KIF16B: variants seen among roughly 807,000 people sequenced by gnomAD.
The protein encoded by KIF16B is kinesin family member 16B, also known as kinesin-like protein KIF16B.
In KIF16B, 98 loss-of-function variants were observed where a neutral mutation model predicts 156.3. That is an observed-to-expected ratio of 0.63 (90% CI 0.53 to 0.74). KIF16B has a LOEUF of 0.74. KIF16B is among the 30% of genes least tolerant of loss of function. The pLI is 0.00. For synonymous variants in KIF16B, 564 were observed against 583.7 expected (o/e 0.97, Z 0.49); for missense variants, 1,421 against 1,606.5 (o/e 0.88, Z 1.97).
At chr20:16,504,838 C>T (rs2068727595) in intron 9 of KIF16B, among the ~76,000 whole-genome samples, 1 of 151,818 alleles carries the variant, frequency 6.6e-6, no homozygotes, top group African/African-American at 2.4e-5. Context: ...CTGCTGAAAA[C>T]GTAAGAAGAA....
At chr20:16,421,523 C>A (rs1998085) in intron 15 of KIF16B, among the ~76,000 whole-genome samples, 17,184 of 152,136 alleles carry the variant, frequency 0.11, 1,189 homozygotes, top group Non-Finnish European at 0.17. Context: ...AAAACATGTT[C>A]CATTTCCCAT....
chr20:16,494,204 G>A (rs1354262386), intron 12 of KIF16B, 87 bp downstream of exon 12: 1 of 749,094 alleles, frequency 1.3e-6, no homozygotes, highest in East Asian at 2.7e-5. Flanking sequence ...GTATACAACT[G>A]CCATGTTTGG....
chr20:16,383,107 T>G, intron 17 of KIF16B, among the ~76,000 whole-genome samples: 1 of 152,118 alleles, frequency 6.6e-6, no homozygotes, highest in East Asian at 1.9e-4. Flanking sequence ...AATCCTCCTC[T>G]CTGTTTCCTG....
chr20:16,450,797 C>CA (rs1031279689), intron 12 of KIF16B, among the ~76,000 whole-genome samples: 4 of 152,138 alleles, frequency 2.6e-5, no homozygotes, highest in African/African-American at 9.7e-5. Flanking sequence ...AGGAAACAAA[C>CA]AGAGTCATAT....
intron 1 of KIF16B, among the ~76,000 whole-genome samples, chr20:16,563,161 T>G (rs749453192): frequency 6.6e-6 from 1 of 152,188 alleles, no homozygotes; most frequent in Non-Finnish European, 1.5e-5. Flanking sequence ...CATTTGGAAA[T>G]GGACAGAGCA....
At chr20:16,469,386 CAT>C (rs149144538) in intron 12 of KIF16B, among the ~76,000 whole-genome samples, 3,371 of 149,850 alleles carry the variant, frequency 0.022, 82 homozygotes, top group South Asian at 0.071. Flanking sequence ...TTCTACATAA[CAT>C]GTGGATCAAA....
Position 16,379,580 on chromosome 20 carries a change from G to T in KIF16B, c.2422C>A (p.Arg808Ser), listed in dbSNP as rs148805920. The T allele has an allele frequency of 1.4e-4, 221 of 1,614,044 alleles. No homozygotes were observed. The Middle Eastern group carries it at 7.9e-3, about 58-fold the overall frequency. ...TCGCCATCTTCATCCCCTCCGGCACGAGCCTCCTTCACCCGCAGGAGGGAT... is the reference window on the plus strand; with the variant it reads ...TCGCCATCTTCATCCCCTCCGGCACTAGCCTCCTTCACCCGCAGGAGGGAT... ...RESLLRVKEA[R>S]AGGDEDGEEL... is the part of the protein sequence containing the mutation. Residue 808 changes from arginine (R) to serine (S), a missense_variant, in exon 19 of 26, where the codon CGT (arginine) becomes AGT (serine). Coordinates refer to ENST00000354981, the MANE Select transcript of KIF16B (RefSeq NM_024704.5).
intron 12 of KIF16B, among the ~76,000 whole-genome samples, chr20:16,436,863 C>G (rs2146494839): frequency 6.6e-6 from 1 of 152,228 alleles, no homozygotes; most frequent in South Asian, 2.1e-4. Flanking sequence ...CAGCGGTACT[C>G]CAGGTTTTAG....
At chr20:16,460,214 T>C (rs986900249) in intron 12 of KIF16B, among the ~76,000 whole-genome samples, 5 of 152,138 alleles carry the variant, frequency 3.3e-5, no homozygotes, top group African/African-American at 1.2e-4. Context: ...AAAAATCAGG[T>C]TGGCCTAAAG....
At chr20:16,505,328 GT>G (rs199536112) in intron 9 of KIF16B, among the ~76,000 whole-genome samples, 3 of 151,368 alleles carry the variant, frequency 2.0e-5, no homozygotes, top group South Asian at 2.1e-4. Context: ...TATGCATTGG[GT>G]TTTTTTTTCC....
Position 16,403,386 on chromosome 20 carries a change from G to GT in KIF16B, c.1784+1426dup, listed in dbSNP as rs1244772573. On this transcript the variant is annotated intron_variant, in intron 17 of 25. Transcript: ENST00000354981. ...AGGAATTAAAGACCTACAACAAAAC[G>GT]TGCCTCTGAAGTACTTACCATTTAG... is the stretch of plus-strand genomic sequence containing the variant. Among the ~76,000 whole-genome samples, 3 of 152,278 alleles carry GT rather than the reference G, an allele frequency of 2.0e-5. No individual in the cohort carries two copies. In the East Asian group the frequency reaches 5.8e-4, roughly 29 times the overall value.
chr20:16,538,428 C>A (rs2070061852), intron 1 of KIF16B, among the ~76,000 whole-genome samples: 1 of 152,116 alleles, frequency 6.6e-6, no homozygotes, highest in African/African-American at 2.4e-5. Context: ...GAAAAATGAA[C>A]TATGCCTCTC....
At chr20:16,367,766 G>T in intron 22 of KIF16B, 1 of 1,612,674 alleles carries the variant, frequency 6.2e-7, no homozygotes, top group South Asian at 1.1e-5. Context: ...AGCAAGGGAT[G>T]ATTAGCGCAG....
intron 24 of KIF16B, among the ~76,000 whole-genome samples, chr20:16,332,940 T>A (rs2063973292): frequency 1.3e-5 from 2 of 152,194 alleles, no homozygotes; most frequent in South Asian, 4.1e-4. Context: ...ATTTGAGCTC[T>A]CTAGCACCCC....
chr20:16,277,021 C>T (rs544452836), intron 25 of KIF16B, among the ~76,000 whole-genome samples: 25 of 152,306 alleles, frequency 1.6e-4, no homozygotes, highest in African/African-American at 6.0e-4. Flanking sequence ...CTCCCTCCTC[C>T]GGTACAAACC....
chr20:16,324,421 C>A (rs534836641), intron 24 of KIF16B, among the ~76,000 whole-genome samples: 1 of 152,048 alleles, frequency 6.6e-6, no homozygotes, highest in East Asian at 1.9e-4. Flanking sequence ...TTCCTCATAT[C>A]TAAAATGAAA....
intron 3 of KIF16B, among the ~76,000 whole-genome samples, chr20:16,516,143 C>G (rs1274871833): frequency 6.6e-6 from 1 of 152,216 alleles, no homozygotes; most frequent in Non-Finnish European, 1.5e-5. Flanking sequence ...AAATCAACCT[C>G]TGCAGGTGCT....
chr20:16,288,703 G>A (rs868257969), intron 25 of KIF16B, among the ~76,000 whole-genome samples: 593 of 138,734 alleles, frequency 4.3e-3, no homozygotes, highest in Middle Eastern at 7.4e-3. Flanking sequence ...GCATCTGTAT[G>A]GTATGTACCT....
At chr20:16,551,236 T>G (rs1374207536) in intron 1 of KIF16B, among the ~76,000 whole-genome samples, 1 of 151,372 alleles carries the variant, frequency 6.6e-6, no homozygotes, top group Admixed American at 6.6e-5. Flanking sequence ...GTTCAAGCAA[T>G]TCTCCTGCCT....
Sources: gnomAD v4.1 joint callset for allele counts (sites outside exome capture counted in the v4.1 genomes callset) on GRCh38, gnomAD v4.1.1 for gene constraint, MANE v1.5 for transcripts, NCBI Gene and HGNC (gene_info 2026-07-23, HGNC 2026-07-21) for gene names.